MMP10: variants seen among roughly 807,000 people sequenced by gnomAD.
MMP10 encodes matrix metallopeptidase 10.
A neutral mutation model predicts 49.1 loss-of-function variants in MMP10; 50 were observed. The ratio of observed to expected loss-of-function variants is 1.02; its 90% CI spans 0.81 to 1.29. The LOEUF is 1.29. Among genes scored for constraint, MMP10 ranks in the 50% most tolerant of loss-of-function variants. The pLI is 0.00. For synonymous variants in MMP10, 229 were observed against 201.6 expected (o/e 1.14, Z -1.15); for missense variants, 613 against 563.8 (o/e 1.09, Z -0.88).
Position 102,778,694 on chromosome 11 carries a change from G to T in MMP10, c.552C>A (p.Tyr184Ter). Residue 184 changes from tyrosine (Y) to a stop codon, truncating the protein, a stop_gained, in exon 4 of 10, where the codon TAC becomes TAA. Transcript: ENST00000279441. LOFTEE classifies it high-confidence loss of function. ...CTCCATAAAGCCCAGGTCCAGGTGG[G>T]TAGGCATGAGCCAAACTGTGTCCTG... is the stretch of plus-strand genomic sequence containing the variant. ...DGPGHSLAHA[Y>*]PPGPGLYGDI... The T allele has an allele frequency of 6.2e-7, 1 of 1,613,976 alleles. No homozygotes were observed. Among genetic ancestry groups the T allele is most frequent in the Non-Finnish European group, 8.5e-7 (1 of 1,179,950 alleles).
intron 7 of MMP10, 79 bp from the exon 8 acceptor site, chr11:102,773,085 A>G: frequency 2.9e-6 from 4 of 1,387,092 alleles, no homozygotes; most frequent in East Asian, 2.4e-5. Flanking sequence ...GTTGTGGTAA[A>G]GAGGAAGGCT....
Position 102,776,381 on chromosome 11 carries a change from T to C in MMP10, c.831A>G (p.Lys277=). 1 of 1,613,820 alleles carries C rather than the reference T, an allele frequency of 6.2e-7. No homozygotes were observed. Among genetic ancestry groups the C allele is most frequent in the South Asian group, 1.1e-5 (1 of 91,066 alleles). Residue 277 remains lysine (K), a synonymous_variant, in exon 6 of 10, where the codon AAA becomes AAG. Transcript: ENST00000279441. ...GCATCTCAGATCCCGAAGGAACAGA[T>C]TTTGTGGGCACCAGGGGTTCCTCAG... ...ASTEEPLVPT[K]SVPSGSEMPA... is the part of the protein sequence containing the mutation.
chr11:102,772,994 C>T lies in MMP10; in HGVS notation c.1079G>A (p.Trp360Ter). 6.3e-7 allele frequency: 1 copy of T among 1,594,376 alleles called. No individual in the cohort carries two copies. Among genetic ancestry groups the T allele is most frequent in the South Asian group, 1.2e-5 (1 of 86,402 alleles). ...TVFIFKGNEFWAIRGNEVQAG... is the reference protein window; with the variant it reads ...TVFIFKGNEF ...TTGTACCTCATTTCCTCTGATGGCC[C>T]AGAACTCATTTCCTATTGAAAAAAT... is the stretch of plus-strand genomic sequence containing the variant. Residue 360 changes from tryptophan to a stop codon, truncating the protein, a stop_gained, in exon 8 of 10, where the codon TGG becomes TAG. Transcript: ENST00000279441. LOFTEE classifies it high-confidence loss of function. This position sits in a 1 kb window ranked among gnomAD's most constrained non-coding sequence, Gnocchi z 4.4.
At position 102,770,650 on chromosome 11, in the gene MMP10, T is replaced by C. The variant is rs1861966093; in HGVS notation, c.*143A>G. 2 of 531,806 alleles carry C rather than the reference T, an allele frequency of 3.8e-6. No individual in the cohort carries two copies. Among genetic ancestry groups the C allele is most frequent in the East Asian group, 6.3e-5 (2 of 31,772 alleles). 32.9% of individuals were successfully genotyped at this position (531,806 alleles called of 1,614,324 possible). A position where few individuals can be genotyped will look rare whatever the true frequency, so the allele number is the denominator to read the frequency against. On this transcript the variant is annotated 3_prime_UTR_variant, in exon 10 of 10. Coordinates refer to ENST00000279441, the MANE Select transcript of MMP10 (RefSeq NM_002425.3). ...TGAAGAATTCCAGAAACATTCTTCATGACACATGCAGATATCTGCAAGGCT... is the reference window on the plus strand; with the variant it reads ...TGAAGAATTCCAGAAACATTCTTCACGACACATGCAGATATCTGCAAGGCT...
rs934127443 is a variant in MMP10, at chr11:102,779,148, G to C, written c.496+65C>G. 4.8e-5 allele frequency: 76 copies of C among 1,575,514 alleles called. No homozygotes were observed. In the East Asian group the frequency reaches 1.6e-3, roughly 33 times the overall value. On this transcript the variant is annotated intron_variant, in intron 3 of 9. Transcript: ENST00000279441. ...GTTGTTTATAAATTACCCAGTCTAA[G>C]GTAACTTGCTATAGCAGTCTGAACA...
chr11:102,778,189 C>G (rs901315424), intron 4 of MMP10, among the ~76,000 whole-genome samples: 1 of 151,942 alleles, frequency 6.6e-6, no homozygotes, highest in Non-Finnish European at 1.5e-5. Context: ...TTTTCAGTTC[C>G]TGGCATTTTC....
chr11:102,772,133 A>G lies in MMP10; in HGVS notation c.1227-18T>C. ...CATCAAATCTAAACCAAATGAAAGA[A>G]ATACAGTTCAATGATGTGCAGTAGT... On this transcript the variant is annotated intron_variant, in intron 8 of 9. Transcript: ENST00000279441. This position sits in a 1 kb window ranked among gnomAD's most constrained non-coding sequence, Gnocchi z 4.4. The G allele has an allele frequency of 6.8e-7, 1 of 1,464,020 alleles. No homozygotes were observed. Among genetic ancestry groups the G allele is most frequent in the Non-Finnish European group, 9.6e-7 (1 of 1,044,338 alleles). The allele number at this position is 1,464,020 out of a possible 1,614,324, so 90.7% of individuals were successfully genotyped here.
Position 102,779,678 on chromosome 11 carries a change from A to T in MMP10, c.173T>A (p.Leu58His), listed in dbSNP as rs1478504636. 3 of 1,614,000 alleles carry T rather than the reference A, an allele frequency of 1.9e-6. No individual in the cohort carries two copies. The highest frequency in any genetic ancestry group is 2.5e-6 in the Non-Finnish European group (3 of 1,179,996). ...CATTCCTTGGATTTTTTTAACAATG[A>T]GATTACTGTCCTTTCTTCTAAACTG... ...VKQFRRKDSN[L>H]IVKKIQGMQK... Residue 58 changes from leucine to histidine, a missense_variant, in exon 2 of 10, where the codon CTC becomes CAC. Coordinates refer to ENST00000279441, the MANE Select transcript of MMP10 (RefSeq NM_002425.3).
In MMP10 at chr11:102,777,985, A is replaced by T. The variant is rs564841045; in HGVS notation, c.622+639T>A. 3.9e-5 allele frequency among the ~76,000 whole-genome samples: 6 copies of T among 152,204 alleles called. No homozygotes were observed. The East Asian group carries it at 1.2e-3, about 29-fold the overall frequency. Reference sequence around the variant, plus strand: ...TGCATTTACATTAAAAATCCCAGGCACTGTCAGAAATAGTGATTATTTCAA... The same window carrying T: ...TGCATTTACATTAAAAATCCCAGGCTCTGTCAGAAATAGTGATTATTTCAA... On this transcript the variant is annotated intron_variant, in intron 4 of 9. Coordinates refer to ENST00000279441, the MANE Select transcript of MMP10 (RefSeq NM_002425.3).
rs746199024 is a variant in MMP10 at position 102,772,877 on chromosome 11, GT to G, written c.1195del (p.Thr399HisfsTer26). ...GTATTTGTCCGCTGCAAAGAAGTAT[GT>G]TTTCTTCTTTTCCTTGTCAGAAACA... ...AAVSDKEKKK[T>X]YFFAADKYWR... On this transcript the variant is annotated frameshift_variant, in exon 8 of 10. Coordinates refer to ENST00000279441, the MANE Select transcript of MMP10 (RefSeq NM_002425.3). LOFTEE classifies it high-confidence loss of function. This position sits in a 1 kb window ranked among gnomAD's most constrained non-coding sequence, Gnocchi z 4.4. 4.9e-5 allele frequency: 79 copies of G among 1,613,444 alleles called. No individual in the cohort carries two copies. The African/African-American group carries it at 9.7e-4, about 20-fold the overall frequency.
Position 102,770,554 on chromosome 11 carries a change from A to G in MMP10, c.*239T>C. 1 of 399,902 alleles carries G rather than the reference A, an allele frequency of 2.5e-6. No individual in the cohort carries two copies. Among genetic ancestry groups the G allele is most frequent in the Non-Finnish European group, 4.4e-6 (1 of 226,428 alleles). The allele number at this position is 399,902 out of a possible 1,614,324, so 24.8% of individuals were successfully genotyped here. A position where few individuals can be genotyped will look rare whatever the true frequency, so the allele number is the denominator to read the frequency against. ...TTATTGAGGAAGTAATAACACATCT[A>G]TGAAAATACATTCTCTCACCTATTG... On this transcript the variant is annotated 3_prime_UTR_variant, in exon 10 of 10. Coordinates refer to ENST00000279441, the MANE Select transcript of MMP10 (RefSeq NM_002425.3).
In MMP10 at chr11:102,772,135, T is replaced by C; in HGVS notation, c.1227-20A>G. 6.8e-7 allele frequency: 1 copy of C among 1,464,240 alleles called. No individual in the cohort carries two copies. The highest frequency in any genetic ancestry group is 9.6e-7 in the Non-Finnish European group (1 of 1,044,532). The allele number at this position is 1,464,240 out of a possible 1,614,324, so 90.7% of individuals were successfully genotyped here. The stretch of plus-strand genomic sequence containing the variant: ...TCAAATCTAAACCAAATGAAAGAAA[T>C]ACAGTTCAATGATGTGCAGTAGTCC... On this transcript the variant is annotated intron_variant, in intron 8 of 9. Coordinates refer to ENST00000279441, the MANE Select transcript of MMP10 (RefSeq NM_002425.3). The surrounding 1 kb of genome is among the most constrained non-coding windows in gnomAD (Gnocchi z 4.4).
In MMP10 at chr11:102,774,962, T is replaced by C. The variant is rs1862007523; in HGVS notation, c.1066+226A>G. Among the ~76,000 whole-genome samples, 4 of 152,228 alleles carry C rather than the reference T, an allele frequency of 2.6e-5. No homozygotes were observed. The South Asian group carries it at 6.2e-4, about 24-fold the overall frequency. On this transcript the variant is annotated intron_variant, in intron 7 of 9. Transcript: ENST00000279441. The stretch of plus-strand genomic sequence containing the variant: ...AAAATGTCTTGTATCTATAGATAAA[T>C]TGACATTTTTACTATCTTGCATTTT...
At chr11:102,773,665 C>G (rs1267097849) in intron 7 of MMP10, among the ~76,000 whole-genome samples, 3 of 152,192 alleles carry the variant, frequency 2.0e-5, no homozygotes, top group Admixed American at 1.3e-4. Context: ...AAAACAATTT[C>G]TTCTTTCTTA....
In MMP10 at chr11:102,772,862, G is replaced by A. The variant is rs138753435; in HGVS notation, c.1211C>T (p.Ala404Val). The A allele has an allele frequency of 3.6e-5, 58 of 1,610,212 alleles. No homozygotes were observed. The highest frequency in any genetic ancestry group is 2.1e-4 in the African/African-American group (16 of 74,740). The change falls in exon 8 of 10, where the codon GCG becomes GTG. Residue 404 changes from alanine (A) to valine (V), a missense_variant. Transcript: ENST00000279441. The surrounding 1 kb of genome is among the most constrained non-coding windows in gnomAD (Gnocchi z 4.4). ...KEKKKTYFFA[A>V]DKYWRFDENS... ...TGCATCTCACCTCCAGTATTTGTCCGCTGCAAAGAAGTATGTTTTCTTCTT... is the reference window on the plus strand; with the variant it reads ...TGCATCTCACCTCCAGTATTTGTCCACTGCAAAGAAGTATGTTTTCTTCTT...
chr11:102,776,251 G>T, intron 6 of MMP10, 29 bp downstream of exon 6: 1 of 1,591,336 alleles, frequency 6.3e-7, no homozygotes, highest in Non-Finnish European at 8.6e-7. Flanking sequence ...CAAAAGAATA[G>T]ATAGGAAAAT....
rs368858787 is a variant in MMP10 at position 102,772,896 on chromosome 11, C to G, written c.1177G>C (p.Asp393His). 44 of 1,613,618 alleles carry G rather than the reference C, an allele frequency of 2.7e-5. No individual in the cohort carries two copies. Among genetic ancestry groups the G allele is most frequent in the Non-Finnish European group, 3.6e-5 (42 of 1,179,778 alleles). ...AAGTATGTTTTCTTCTTTTCCTTGT[C>G]AGAAACAGCTGCATCAATTTTCCTT... is the stretch of plus-strand genomic sequence containing the variant. ...TIRKIDAAVSDKEKKKTYFFA... is the reference protein window; with the variant it reads ...TIRKIDAAVSHKEKKKTYFFA... The change falls in exon 8 of 10, where the codon GAC becomes CAC. Residue 393 changes from aspartate to histidine, a missense_variant. Coordinates refer to ENST00000279441, the MANE Select transcript of MMP10 (RefSeq NM_002425.3). The surrounding 1 kb of genome is among the most constrained non-coding windows in gnomAD (Gnocchi z 4.4).
intron 7 of MMP10, among the ~76,000 whole-genome samples, chr11:102,774,325 T>C (rs930223892): frequency 3.9e-5 from 6 of 151,994 alleles, no homozygotes; most frequent in Admixed American, 3.9e-4. Context: ...CAATTCAAAG[T>C]AAACAAAAAT....
At position 102,775,302 on chromosome 11, in the gene MMP10, G is replaced by A; in HGVS notation, c.952C>T (p.His318Tyr). 1.9e-6 allele frequency: 3 copies of A among 1,608,352 alleles called. No individual in the cohort carries two copies. The highest frequency in any genetic ancestry group is 2.7e-5 in the African/African-American group (2 of 74,812). The change falls in exon 7 of 10, where the codon CAC becomes TAC. Residue 318 changes from histidine to tyrosine, a missense_variant. By Grantham distance (83) the His-to-Tyr change is moderately conservative (BLOSUM62 2). Transcript: ENST00000279441. The part of the protein sequence containing the change: ...FKDRYFWRRS[H>Y]WNPEPEFHLI... ...TGAAATTCAGGTTCAGGGTTCCAGTGGGATCTTCGCCAAAAATATCTGTAA... is the reference window on the plus strand; with the variant it reads ...TGAAATTCAGGTTCAGGGTTCCAGTAGGATCTTCGCCAAAAATATCTGTAA...
Sources: allele counts gnomAD v4.1 joint callset (sites outside exome capture counted in the v4.1 genomes callset), GRCh38; gene constraint gnomAD v4.1.1; non-coding constraint Gnocchi (gnomAD v3.1); transcripts MANE v1.5; gene names NCBI Gene and HGNC (gene_info 2026-07-23, HGNC 2026-07-21).